Variants in DOCK3 observed in about 807,000 individuals in gnomAD.
DOCK3 encodes dedicator of cytokinesis 3.
In DOCK3, 60 loss-of-function variants were observed where a neutral mutation model predicts 265.6. That is an observed-to-expected ratio of 0.23 (90% CI 0.18 to 0.28). The LOEUF is 0.28. DOCK3 is among the 10% of genes least tolerant of loss of function. The pLI is 1.00. For missense variants in DOCK3, 1,981 were observed against 2,594.3 expected (o/e 0.76, Z 5.14); for synonymous variants, 881 against 938.0 (o/e 0.94, Z 1.11).
chr3:51,258,338 C>T, intron 22 of DOCK3, among the ~76,000 whole-genome samples: 1 of 152,228 alleles, frequency 6.6e-6, no homozygotes, highest in Non-Finnish European at 1.5e-5. Flanking sequence ...ACTTCCAGTG[C>T]TCCACGTAAT....
At chr3:51,263,483 T>A (rs557139029) in intron 23 of DOCK3, among the ~76,000 whole-genome samples, 1 of 152,046 alleles carries the variant, frequency 6.6e-6, no homozygotes, top group South Asian at 2.1e-4. Flanking sequence ...ATTATAAGGA[T>A]CATCGACACT....
chr3:50,844,603 C>T (rs1169633789), intron 3 of DOCK3, among the ~76,000 whole-genome samples: 2 of 152,004 alleles, frequency 1.3e-5, no homozygotes, highest in Non-Finnish European at 2.9e-5. Flanking sequence ...TCTTTTTGTT[C>T]CCTGTATTAT....
At chr3:50,697,485 G>C (rs2035707944) in intron 1 of DOCK3, among the ~76,000 whole-genome samples, 2 of 152,078 alleles carry the variant, frequency 1.3e-5, no homozygotes, top group Non-Finnish European at 2.9e-5. Flanking sequence ...CAGCTACTTG[G>C]GAGGCTGAGG....
chr3:51,367,717 C>A (rs2087332790), intron 49 of DOCK3, among the ~76,000 whole-genome samples: 1 of 152,168 alleles, frequency 6.6e-6, no homozygotes, highest in Admixed American at 6.5e-5. Flanking sequence ...ATTTGTTTGT[C>A]TGTAAAGGAT....
chr3:50,741,570 C>T (rs1344848143), intron 1 of DOCK3, among the ~76,000 whole-genome samples: 24 of 149,376 alleles, frequency 1.6e-4, no homozygotes, highest in African/African-American at 3.5e-4. Context: ...TGATGATTTC[C>T]AGTTTCATCC....
In DOCK3 at chr3:50,683,550, A is replaced by G. The variant is rs186426864; in HGVS notation, c.37+8250A>G. ...ATTATCTGTATGAACATTTTATGATAGTGCCAGCCGTACCACCTTTGTGAA... is the reference window on the plus strand; with the variant it reads ...ATTATCTGTATGAACATTTTATGATGGTGCCAGCCGTACCACCTTTGTGAA... On this transcript the variant is annotated intron_variant, in intron 1 of 52. Transcript: ENST00000266037. 3.3e-4 allele frequency among the ~76,000 whole-genome samples: 51 copies of G among 152,326 alleles called. 1 individual carries two copies. The Middle Eastern group carries it at 0.017, about 51-fold the overall frequency.
chr3:51,178,031 A>C (rs1281777896), intron 12 of DOCK3, among the ~76,000 whole-genome samples: 1 of 151,240 alleles, frequency 6.6e-6, no homozygotes, highest in Non-Finnish European at 1.5e-5. Flanking sequence ...AAAATAGTAA[A>C]AAAAAAAAAA....
At chr3:50,782,289 ATTTTT>A (rs71084112) in intron 2 of DOCK3, among the ~76,000 whole-genome samples, 1 of 110,022 alleles carries the variant, frequency 9.1e-6, no homozygotes, top group East Asian at 3.1e-4. Context: ...AGTACCTGTT[ATTTTT>A]TTTTTTTTTT....
At chr3:50,862,463 A>G (rs759443371) in intron 3 of DOCK3, among the ~76,000 whole-genome samples, 8 of 152,138 alleles carry the variant, frequency 5.3e-5, no homozygotes, top group Non-Finnish European at 1.2e-4. Context: ...AAGTGGAAGC[A>G]CCTGCCTTGA....
chr3:50,843,900 AAATAT>A (rs2045959992), intron 3 of DOCK3, among the ~76,000 whole-genome samples: 1 of 152,186 alleles, frequency 6.6e-6, no homozygotes, highest in African/African-American at 2.4e-5. Context: ...AGTGTTTGTA[AAATAT>A]AATCATTTAG....
intron 22 of DOCK3, among the ~76,000 whole-genome samples, chr3:51,251,794 T>C (rs151061565): frequency 1.8e-4 from 27 of 152,360 alleles, no homozygotes; most frequent in African/African-American, 5.5e-4. Context: ...GCAAAAATTT[T>C]CTCCTATTCT....
At chr3:50,764,825 C>T (rs552808161) in intron 1 of DOCK3, among the ~76,000 whole-genome samples, 1 of 152,162 alleles carries the variant, frequency 6.6e-6, no homozygotes, top group Non-Finnish European at 1.5e-5. Flanking sequence ...TATCTTCTTC[C>T]TAATATGTTG....
At chr3:51,145,724 A>G (rs1476317234) in intron 9 of DOCK3, among the ~76,000 whole-genome samples, 3 of 152,160 alleles carry the variant, frequency 2.0e-5, no homozygotes, top group Non-Finnish European at 2.9e-5. Flanking sequence ...CTGCTGCCCT[A>G]AAGTGATTCT....
intron 2 of DOCK3, among the ~76,000 whole-genome samples, chr3:50,823,168 A>AT (rs200078483): frequency 2.0e-5 from 3 of 151,620 alleles, no homozygotes; most frequent in Admixed American, 6.6e-5. Context: ...TTATTTATTT[A>AT]TTTTTTTTTA....
At chr3:50,940,058 C>A (rs62257828) in intron 5 of DOCK3, among the ~76,000 whole-genome samples, 6 of 151,140 alleles carry the variant, frequency 4.0e-5, no homozygotes, top group African/African-American at 1.5e-4. Flanking sequence ...TACCCACAGA[C>A]ACACACATAC....
chr3:50,901,115 G>C, intron 4 of DOCK3: 1 of 237,404 alleles, frequency 4.2e-6, no homozygotes, highest in Non-Finnish European at 8.5e-6. Flanking sequence ...AGGGAGATGG[G>C]AGTTTGATGT....
At chr3:50,689,939 G>A (rs1347084799) in intron 1 of DOCK3, among the ~76,000 whole-genome samples, 1 of 152,010 alleles carries the variant, frequency 6.6e-6, no homozygotes. Context: ...CTCACTTGGT[G>A]GTGTCTCTAG....
intron 5 of DOCK3, among the ~76,000 whole-genome samples, chr3:50,956,616 T>G (rs1447474515): frequency 6.6e-6 from 1 of 152,118 alleles, no homozygotes; most frequent in Non-Finnish European, 1.5e-5. Flanking sequence ...TTTTCCTCAT[T>G]CTCTTTGTTT....
At chr3:51,289,932 A>C (rs1239841390) in intron 27 of DOCK3, among the ~76,000 whole-genome samples, 2 of 152,248 alleles carry the variant, frequency 1.3e-5, no homozygotes, top group Non-Finnish European at 2.9e-5. Context: ...ACACATGAAA[A>C]AATGCTCATC....
Sources: allele counts gnomAD v4.1 joint callset (sites outside exome capture counted in the v4.1 genomes callset), GRCh38; gene constraint gnomAD v4.1.1; transcripts MANE v1.5; gene names NCBI Gene and HGNC (gene_info 2026-07-23, HGNC 2026-07-21).